The following SYCE1 variants were observed in gnomAD, a reference collection of about 807,000 sequenced individuals.
SYCE1 encodes the protein synaptonemal complex central element protein 1, also known as cancer/testis antigen 76.
Under a neutral mutation model 55.1 loss-of-function variants are expected in SYCE1, and 37 were observed. That is an observed-to-expected ratio of 0.67 (90% CI 0.52 to 0.88). The LOEUF (loss-of-function observed/expected upper bound fraction) is 0.88, where lower values mean the gene tolerates loss of function less well. Among genes scored for constraint, SYCE1 ranks in the 40% least tolerant of loss-of-function variants. The pLI is 0.00. For synonymous variants in SYCE1, 163 were observed against 159.4 expected (o/e 1.02, Z -0.17); for missense variants, 399 against 416.4 (o/e 0.96, Z 0.36).
Position 133,557,900 on chromosome 10 carries a change from C to T in SYCE1, c.338G>A (p.Arg113Gln), listed in dbSNP as rs772759917. Residue 113 changes from arginine to glutamine, a missense_variant, in exon 6 of 13, where the codon CGG becomes CAG. Physicochemically the swap from Arg to Gln is conservative, Grantham distance 43. Coordinates refer to ENST00000343131, the MANE Select transcript of SYCE1 (RefSeq NM_001143764.3). ...SKKQETLRIL[R>Q]LHCQEKESEA... ...ACTTTCCTTTTCCTGGCAATGCAGC[C>T]GGAGGATCCTCAGGGTCTCTGTAGG... 6.8e-6 allele frequency: 11 copies of T among 1,613,952 alleles called. No individual in the cohort carries two copies. Among genetic ancestry groups the T allele is most frequent in the South Asian group, 2.2e-5 (2 of 91,082 alleles).
rs1195822839 is a variant in SYCE1 at position 133,565,482 on chromosome 10, G to A, written c.48C>T (p.Ala16=). The A allele has an allele frequency of 4.5e-6, 7 of 1,549,998 alleles. No homozygotes were observed. The highest frequency in any genetic ancestry group is 5.2e-6 in the Non-Finnish European group (6 of 1,146,768). ...LTSKAEPTAG[A]VDRAEKAGGQ... Reference sequence around the variant, plus strand: ...CTCCGGCCTTCTCAGCCCTGTCCACGGCTCCTGCGGTGGGCTCGGCCTTCG... The same window carrying A: ...CTCCGGCCTTCTCAGCCCTGTCCACAGCTCCTGCGGTGGGCTCGGCCTTCG... Residue 16 remains alanine, a synonymous_variant, in exon 1 of 13, where the codon GCC becomes GCT. Transcript: ENST00000343131.
intron 1 of SYCE1, among the ~76,000 whole-genome samples, chr10:133,564,244 A>T (rs1268868055): frequency 6.6e-6 from 1 of 152,164 alleles, no homozygotes; most frequent in Admixed American, 6.5e-5. Flanking sequence ...TGAGGACACA[A>T]TGAGAAGACA....
Position 133,556,841 on chromosome 10 carries a change from C to T in SYCE1, c.465-19G>A. On this transcript the variant is annotated intron_variant, in intron 7 of 12. Coordinates refer to ENST00000343131, the MANE Select transcript of SYCE1 (RefSeq NM_001143764.3). ...TGCCAACCTGGGAACCAACCACAGG[C>T]ATGAGGGGATATGGGCTGAAATCAC... The T allele has an allele frequency of 6.3e-7, 1 of 1,599,128 alleles. No individual in the cohort carries two copies. Among genetic ancestry groups the T allele is most frequent in the Non-Finnish European group, 8.5e-7 (1 of 1,172,390 alleles).
At chr10:133,558,246 G>C in intron 4 of SYCE1, 32 bp from the exon 5 acceptor site, 5 of 1,612,012 alleles carry the variant, frequency 3.1e-6, no homozygotes, top group Non-Finnish European at 4.2e-6. Flanking sequence ...TGGCATCAGG[G>C]ACTATGCACT....
upstream of SYCE1, chr10:133,568,197 A>C: frequency 9.2e-7 from 1 of 1,089,336 alleles, no homozygotes; most frequent in Non-Finnish European, 1.4e-6. Context: ...CAGTAGCTGT[A>C]GATGCCGAGC....
chr10:133,557,866 G>A lies in SYCE1; in HGVS notation c.372C>T (p.His124=). 2 of 1,614,126 alleles carry A rather than the reference G, an allele frequency of 1.2e-6. No individual in the cohort carries two copies. The highest frequency in any genetic ancestry group is 1.1e-5 in the South Asian group (1 of 91,084). ...TAGGCTCAGCTGGAAGCTCTTACCT[G>A]TGTGCCTCACTTTCCTTTTCCTGGC... The part of the protein sequence containing the change: ...LHCQEKESEA[H]RKHTMLQECK... Residue 124 remains histidine (H), a splice_region_variant and synonymous_variant, in exon 6 of 13, where the codon CAC becomes CAT. Coordinates refer to ENST00000343131, the MANE Select transcript of SYCE1 (RefSeq NM_001143764.3).
chr10:133,559,670 G>GC, intron 2 of SYCE1: 2 of 405,358 alleles, frequency 4.9e-6, no homozygotes, highest in South Asian at 5.4e-5. Flanking sequence ...ATCAAGTGGT[G>GC]GGGGGCAGGC....
chr10:133,559,125 G>A, intron 3 of SYCE1, 174 bp from the exon 4 acceptor site: 1 of 909,510 alleles, frequency 1.1e-6, no homozygotes, highest in Non-Finnish European at 1.7e-6. Flanking sequence ...CAGGATCATG[G>A]GCATGTAACT....
At chr10:133,568,117 A>AAC (rs1564861725), upstream of SYCE1, 5 of 755,644 alleles carry the variant, frequency 6.6e-6, no homozygotes, top group African/African-American at 5.1e-5. Context: ...GCCCCAGGGC[A>AAC]CTGAGGGCGC....
Position 133,560,157 on chromosome 10 carries a change from T to C in SYCE1, c.74-4A>G. The C allele has an allele frequency of 6.2e-7, 1 of 1,613,820 alleles. No homozygotes were observed. ...TTCTGTGAGGACGTGTCCTGCCCTG[T>C]GGAGACAAAACCAAACATTTCAGAA... On this transcript the variant is annotated splice_region_variant and splice_polypyrimidine_tract_variant and intron_variant, in intron 1 of 12. Transcript: ENST00000343131.
chr10:133,559,263 A>G (rs377048423), intron 3 of SYCE1, 38 bp downstream of exon 3: 79 of 1,609,968 alleles, frequency 4.9e-5, no homozygotes, highest in Non-Finnish European at 6.2e-5. Context: ...CAAACCATGC[A>G]GCTGGTCCTA....
chr10:133,557,879 TC>T lies in SYCE1; in HGVS notation c.358del (p.Glu120LysfsTer21), dbSNP rs771107375. The part of the protein sequence containing the change: ...RILRLHCQEK[E>X]SEAHRKHTML... ...AAGCTCTTACCTGTGTGCCTCACTT[TC>T]CTTTTCCTGGCAATGCAGCCGGAGG... is the stretch of plus-strand genomic sequence containing the variant. On this transcript the variant is annotated frameshift_variant, in exon 6 of 13. Transcript: ENST00000343131. LOFTEE classifies it high-confidence loss of function. 1 of 1,614,168 alleles carries T rather than the reference TC, an allele frequency of 6.2e-7. No homozygotes were observed. The highest frequency in any genetic ancestry group is 1.1e-5 in the South Asian group (1 of 91,078).
downstream of SYCE1, chr10:133,554,030 C>G (rs553464801): frequency 1.2e-5 from 4 of 346,424 alleles, no homozygotes; most frequent in East Asian, 1.8e-4. Context: ...CCAATAAAAG[C>G]TAAAGTTCCT....
rs1851719277 is a variant in SYCE1, at chr10:133,557,634, GC to G, written c.374+229del. The G allele has an allele frequency of 1.0e-5, 6 of 590,780 alleles. 1 individual carries two copies. In the Admixed American group the frequency reaches 1.8e-4, roughly 18 times the overall value. The allele number at this position is 590,780 out of a possible 1,614,324, so 36.6% of individuals were successfully genotyped here. A position where few individuals can be genotyped will look rare whatever the true frequency, so the allele number is the denominator to read the frequency against. ...AGTAAAAGGCAAAAAATAAAAACCA[GC>G]TGAAGAAATTTAATTGACAATTTAG... On this transcript the variant is annotated intron_variant, in intron 6 of 12. Coordinates refer to ENST00000343131, the MANE Select transcript of SYCE1 (RefSeq NM_001143764.3).
upstream of SYCE1, among the ~76,000 whole-genome samples, chr10:133,566,594 T>G (rs1851940392): frequency 1.5e-5 from 1 of 68,600 alleles, no homozygotes. Flanking sequence ...GGGTCAGGGT[T>G]TTAGTGTTGG....
chr10:133,562,132 G>T (rs1851827576), intron 1 of SYCE1, among the ~76,000 whole-genome samples: 1 of 152,032 alleles, frequency 6.6e-6, no homozygotes, highest in Non-Finnish European at 1.5e-5. Context: ...AGACCTTTCT[G>T]GTTTGATACT....
chr10:133,559,220 G>C, intron 3 of SYCE1, 81 bp downstream of exon 3: 2 of 1,459,116 alleles, frequency 1.4e-6, no homozygotes, highest in Admixed American at 3.4e-5. Flanking sequence ...TTGGAACAAG[G>C]GACCCTGCAT....
rs1195450337 is a variant in SYCE1 at position 133,555,980 on chromosome 10, C to G, written c.595+1G>C. 8 of 1,614,078 alleles carry G rather than the reference C, an allele frequency of 5.0e-6. No homozygotes were observed. The highest frequency in any genetic ancestry group is 6.8e-6 in the Non-Finnish European group (8 of 1,180,040). ...GGGCCATCCACCTTCCCTGGTCTCA[C>G]CTTCCTTGAGCAGCTGCTCCTTGCT... On this transcript the variant is annotated splice_donor_variant, in intron 9 of 12. Transcript: ENST00000343131. LOFTEE classifies it high-confidence loss of function.
intron 1 of SYCE1, chr10:133,564,277 G>A: frequency 1.9e-6 from 1 of 533,634 alleles, no homozygotes; most frequent in Non-Finnish European, 2.4e-6. Context: ...CAGGAAGCAG[G>A]CCCCCACCAG....
Sources: gnomAD v4.1 joint callset for allele counts (sites outside exome capture counted in the v4.1 genomes callset) on GRCh38, gnomAD v4.1.1 for gene constraint, MANE v1.5 for transcripts, NCBI Gene and HGNC (gene_info 2026-07-23, HGNC 2026-07-21) for gene names.